The following UBASH3B variants were observed in gnomAD, a reference collection of about 807,000 sequenced individuals.
The protein encoded by UBASH3B is ubiquitin-associated and SH3 domain-containing protein B.
UBASH3B carries 37 observed loss-of-function variants against 83.4 expected under a neutral mutation model. That is an observed-to-expected ratio of 0.44 (90% CI 0.34 to 0.58). UBASH3B has a LOEUF of 0.58. Among genes scored for constraint, UBASH3B ranks in the 20% least tolerant of loss-of-function variants. The pLI is 0.01. For missense variants in UBASH3B, 657 were observed against 827.2 expected (o/e 0.79, Z 2.52); for synonymous variants, 304 against 318.3 (o/e 0.96, Z 0.48).
rs1379078455 is a variant in UBASH3B at position 122,810,270 on chromosome 11, G to A, written c.*384G>A. The stretch of plus-strand genomic sequence containing the variant: ...AAGGAGTGTGCCCAGACCAGCTGGG[G>A]GAGCATTGAAAGGACAGCTTGGGGA... On this transcript the variant is annotated 3_prime_UTR_variant, in exon 14 of 14. Coordinates refer to ENST00000284273, the MANE Select transcript of UBASH3B (RefSeq NM_032873.5). 6.1e-6 allele frequency: 1 copy of A among 163,030 alleles called. No homozygotes were observed. The highest frequency in any genetic ancestry group is 2.4e-5 in the African/African-American group (1 of 41,926). 10.1% of individuals were successfully genotyped at this position (163,030 alleles called of 1,614,324 possible).
chr11:122,663,371 A>G (rs992546332), intron 1 of UBASH3B, among the ~76,000 whole-genome samples: 7 of 152,208 alleles, frequency 4.6e-5, no homozygotes, highest in African/African-American at 1.7e-4. Flanking sequence ...AGTCTCAGAC[A>G]TTGATAATTT....
intron 5 of UBASH3B, among the ~76,000 whole-genome samples, chr11:122,786,819 A>C (rs375281292): frequency 6.6e-6 from 1 of 152,228 alleles, no homozygotes; most frequent in Non-Finnish European, 1.5e-5. Context: ...CATGGGTCCC[A>C]GTTGTAATTT....
chr11:122,740,998 T>C (rs1164562532), intron 1 of UBASH3B, among the ~76,000 whole-genome samples: 1 of 152,238 alleles, frequency 6.6e-6, no homozygotes, highest in African/African-American at 2.4e-5. Flanking sequence ...TTTTGATTCC[T>C]TCTTACTTCA....
At chr11:122,776,125 G>A in intron 1 of UBASH3B, 94 bp from the exon 2 acceptor site, 3 of 1,156,240 alleles carry the variant, frequency 2.6e-6, no homozygotes, top group South Asian at 1.4e-5. Flanking sequence ...GTGGAACACA[G>A]GCTTTGATGT....
chr11:122,696,162 C>A (rs1456827343), intron 1 of UBASH3B, among the ~76,000 whole-genome samples: 1 of 151,520 alleles, frequency 6.6e-6, no homozygotes, highest in African/African-American at 2.4e-5. Flanking sequence ...GTTGGCCAGA[C>A]TGGTCTTGAA....
intron 1 of UBASH3B, among the ~76,000 whole-genome samples, chr11:122,690,885 T>C (rs924220310): frequency 4.6e-5 from 7 of 152,248 alleles, no homozygotes; most frequent in South Asian, 2.1e-4. Flanking sequence ...GCTACTAATA[T>C]CATAGTATTT....
intron 1 of UBASH3B, among the ~76,000 whole-genome samples, chr11:122,766,224 A>G (rs1392515411): frequency 6.6e-6 from 1 of 152,180 alleles, no homozygotes; most frequent in African/African-American, 2.4e-5. Flanking sequence ...ATAGTTGCCA[A>G]TTAGGAGAAG....
chr11:122,783,316 GA>G (rs1295934455), intron 5 of UBASH3B, 94 bp downstream of exon 5: 17 of 1,416,138 alleles, frequency 1.2e-5, no homozygotes, highest in Admixed American at 2.1e-5. Context: ...ACCTACAGGG[GA>G]AAAATGGAGC....
intron 1 of UBASH3B, among the ~76,000 whole-genome samples, chr11:122,728,378 T>A (rs1293855989): frequency 6.6e-6 from 1 of 152,202 alleles, no homozygotes; most frequent in East Asian, 1.9e-4. Flanking sequence ...CTCTTTATGG[T>A]GTTCCTGTTG....
rs1861347487 is a variant in UBASH3B at position 122,806,788 on chromosome 11, C to A, written c.1702+272C>A. 2.0e-5 allele frequency among the ~76,000 whole-genome samples: 3 copies of A among 152,122 alleles called. No homozygotes were observed. Among genetic ancestry groups the A allele is most frequent in the Admixed American group, 2.0e-4 (3 of 15,278 alleles). ...CTTCTTGCACCCTGTGAAAGAGATT[C>A]CCTCTTATAATTTCCAAAAGCTCTA... On this transcript the variant is annotated intron_variant, in intron 12 of 13. Transcript: ENST00000284273. The surrounding 1 kb of genome is among the most constrained non-coding windows in gnomAD (Gnocchi z 4.0).
chr11:122,739,044 G>A (rs1415878737), intron 1 of UBASH3B, among the ~76,000 whole-genome samples: 1 of 152,154 alleles, frequency 6.6e-6, no homozygotes, highest in Non-Finnish European at 1.5e-5. Context: ...TGTTGCTCAG[G>A]CTGGAGTGTG....
intron 1 of UBASH3B, among the ~76,000 whole-genome samples, chr11:122,765,025 A>G (rs926195130): frequency 5.3e-5 from 8 of 151,352 alleles, no homozygotes; most frequent in Non-Finnish European, 7.4e-5. Context: ...AAAAAAAAAA[A>G]TGTAGGGGGA....
At chr11:122,694,905 A>G (rs1409041233) in intron 1 of UBASH3B, among the ~76,000 whole-genome samples, 1 of 135,460 alleles carries the variant, frequency 7.4e-6, no homozygotes, top group Non-Finnish European at 1.6e-5. Flanking sequence ...TCCACCAGTG[A>G]TGTGCTTTAT....
chr11:122,754,958 T>C (rs1272561598), intron 1 of UBASH3B, among the ~76,000 whole-genome samples: 1 of 151,714 alleles, frequency 6.6e-6, no homozygotes, highest in African/African-American at 2.4e-5. Flanking sequence ...TCAAAAGGGG[T>C]GGAAAGAAGG....
At chr11:122,679,518 G>A (rs1457539674) in intron 1 of UBASH3B, among the ~76,000 whole-genome samples, 4 of 152,268 alleles carry the variant, frequency 2.6e-5, no homozygotes, top group Admixed American at 2.6e-4. Context: ...AACCCACTAC[G>A]TTAGAATCTC....
chr11:122,783,371 C>A, intron 5 of UBASH3B, 149 bp downstream of exon 5: 3 of 942,414 alleles, frequency 3.2e-6, no homozygotes, highest in Non-Finnish European at 4.6e-6. Flanking sequence ...TGTGTCCAGC[C>A]TCTGCTTGCC....
intron 1 of UBASH3B, among the ~76,000 whole-genome samples, chr11:122,700,906 G>C (rs904668785): frequency 1.8e-4 from 27 of 152,210 alleles, no homozygotes; most frequent in African/African-American, 6.5e-4. Flanking sequence ...GTCCCAGACA[G>C]GGATGTGCTA....
chr11:122,768,276 C>T (rs1374966211), intron 1 of UBASH3B, among the ~76,000 whole-genome samples: 4 of 152,146 alleles, frequency 2.6e-5, no homozygotes, highest in Non-Finnish European at 5.9e-5. Context: ...TCCTTCCCAC[C>T]ACCACGGCCA....
chr11:122,706,949 A>G (rs898046586), intron 1 of UBASH3B, among the ~76,000 whole-genome samples: 1 of 152,226 alleles, frequency 6.6e-6, no homozygotes, highest in African/African-American at 2.4e-5. Context: ...GAAATGAGTC[A>G]AGTAAAAAAG....
Sources: allele counts gnomAD v4.1 joint callset (sites outside exome capture counted in the v4.1 genomes callset), GRCh38; gene constraint gnomAD v4.1.1; non-coding constraint Gnocchi (gnomAD v3.1); transcripts MANE v1.5; gene names NCBI Gene and HGNC (gene_info 2026-07-23, HGNC 2026-07-21).